NXPE2: variants seen among roughly 807,000 people sequenced by gnomAD.
NXPE2 encodes the protein neurexophilin and PC-esterase domain family member 2.
NXPE2 carries 34 observed loss-of-function variants against 34.4 expected under a neutral mutation model. The ratio of observed to expected loss-of-function variants is 0.99; its 90% CI spans 0.75 to 1.31. NXPE2 has a LOEUF of 1.31. Among genes scored for constraint, NXPE2 ranks in the 40% most tolerant of loss-of-function variants. NXPE2 has a pLI of 0.00. For missense variants in NXPE2, 649 were observed against 672.5 expected (o/e 0.97, Z 0.39); for synonymous variants, 235 against 231.3 (o/e 1.02, Z -0.15).
At chr11:114,513,229 G>A in the NXPE2 span, 1 of 528,314 alleles carries the variant, frequency 1.9e-6, no homozygotes, top group Non-Finnish European at 3.8e-6. Context: ...TGTAGTGCGT[G>A]TCTCGAGGGT....
At chr11:114,798,716 C>T in the NXPE2 span, among the ~76,000 whole-genome samples, 1 of 152,202 alleles carries the variant, frequency 6.6e-6, no homozygotes, top group African/African-American at 2.4e-5. Context: ...TGCTACTTTT[C>T]ATAGTTAATA....
At chr11:114,602,052 TTA>T in the NXPE2 span, among the ~76,000 whole-genome samples, 128 of 94,242 alleles carry the variant, frequency 1.4e-3, no homozygotes, top group African/African-American at 1.9e-3. Context: ...ATATATTATA[TTA>T]TATATATTAT....
the NXPE2 span, among the ~76,000 whole-genome samples, chr11:114,624,884 G>A: frequency 6.6e-6 from 1 of 151,952 alleles, no homozygotes; most frequent in East Asian, 1.9e-4. Context: ...CTGTAACCTG[G>A]TGGATAATAA....
At chr11:114,698,910 C>A in intron 3 of NXPE2, 132 bp downstream of exon 3, 1 of 882,718 alleles carries the variant, frequency 1.1e-6, no homozygotes, top group Non-Finnish European at 1.7e-6. Flanking sequence ...TCCTCAGAGT[C>A]AGTTCAGCTT....
intron 1 of NXPE2, 150 bp downstream of exon 1, chr11:114,678,751 G>C (rs987457709): frequency 8.2e-6 from 5 of 611,772 alleles, no homozygotes; most frequent in Non-Finnish European, 1.5e-5. Flanking sequence ...CTTTTAAAAT[G>C]GAATACAATT....
the NXPE2 span, among the ~76,000 whole-genome samples, chr11:114,572,134 C>G: frequency 6.6e-6 from 1 of 152,012 alleles, no homozygotes; most frequent in Non-Finnish European, 1.5e-5. Flanking sequence ...CACTGGGTTG[C>G]GAGACTCAGG....
chr11:114,485,478 C>T, the NXPE2 span, among the ~76,000 whole-genome samples: 1 of 150,728 alleles, frequency 6.6e-6, no homozygotes, highest in East Asian at 2.0e-4. Context: ...GATCCTGCCA[C>T]CTCGGCCTCC....
At chr11:114,811,387 C>CCA in the NXPE2 span, among the ~76,000 whole-genome samples, 1 of 151,622 alleles carries the variant, frequency 6.6e-6, no homozygotes, top group Non-Finnish European at 1.5e-5. Flanking sequence ...GCTTTAAAGA[C>CCA]CACACACACA....
the NXPE2 span, among the ~76,000 whole-genome samples, chr11:114,516,687 A>G: frequency 6.6e-6 from 1 of 152,180 alleles, no homozygotes; most frequent in African/African-American, 2.4e-5. Flanking sequence ...CTTATCTGAA[A>G]ATAAGAGCAC....
At chr11:114,741,243 T>TGCG in the NXPE2 span, among the ~76,000 whole-genome samples, 2 of 151,916 alleles carry the variant, frequency 1.3e-5, no homozygotes, top group Admixed American at 1.3e-4. Context: ...CTTCTCTTGC[T>TGCG]TTCAAAATAC....
chr11:114,705,927 A>G lies in NXPE2; in HGVS notation c.1075A>G (p.Lys359Glu). ...AAATATAAATGACTGCTTGGAAAGA[A>G]AACTTATTTATCTCATGGGAGATTC... Reference protein sequence around the residue: ...TKNINDCLERKLIYLMGDSTL... With the variant: ...TKNINDCLERELIYLMGDSTL... The change falls in exon 5 of 6, where the codon AAA becomes GAA. Residue 359 changes from lysine to glutamate, a missense_variant. Lys to Glu is a moderately conservative substitution (Grantham distance 56, BLOSUM62 1). Coordinates refer to ENST00000389586, the MANE Select transcript of NXPE2 (RefSeq NM_182495.6). 3.9e-6 allele frequency: 6 copies of G among 1,541,610 alleles called. No individual in the cohort carries two copies. Among genetic ancestry groups the G allele is most frequent in the Non-Finnish European group, 5.2e-6 (6 of 1,142,988 alleles).
chr11:114,655,562 C>A, the NXPE2 span, among the ~76,000 whole-genome samples: 2 of 152,186 alleles, frequency 1.3e-5, no homozygotes, highest in African/African-American at 2.4e-5. Context: ...GTTTTCCCAG[C>A]ACCATTTACT....
chr11:114,544,098 G>A, the NXPE2 span, among the ~76,000 whole-genome samples: 4 of 152,270 alleles, frequency 2.6e-5, no homozygotes, highest in South Asian at 8.3e-4. Context: ...CTAAATAAAT[G>A]GAGAGAGATT....
chr11:114,745,535 G>A, the NXPE2 span, among the ~76,000 whole-genome samples: 1 of 152,176 alleles, frequency 6.6e-6, no homozygotes, highest in Non-Finnish European at 1.5e-5. Flanking sequence ...ATTTCAACAT[G>A]AGTCTTGACA....
intron 2 of NXPE2, among the ~76,000 whole-genome samples, chr11:114,681,673 A>G (rs1035184806): frequency 1.3e-5 from 2 of 152,108 alleles, no homozygotes; most frequent in African/African-American, 4.8e-5. Context: ...TAACGATTAT[A>G]ATTATTACTG....
At chr11:114,684,072 G>C (rs1425086950) in intron 2 of NXPE2, among the ~76,000 whole-genome samples, 3 of 152,148 alleles carry the variant, frequency 2.0e-5, no homozygotes, top group African/African-American at 4.8e-5. Flanking sequence ...GTCCTTTTAG[G>C]TCAACCAAGT....
At chr11:114,484,055 T>G in the NXPE2 span, among the ~76,000 whole-genome samples, 2 of 152,154 alleles carry the variant, frequency 1.3e-5, no homozygotes, top group Non-Finnish European at 2.9e-5. Flanking sequence ...TGCTCTTCCA[T>G]GGAGAACTTG....
chr11:114,571,061 C>T, the NXPE2 span: 1 of 1,613,906 alleles, frequency 6.2e-7, no homozygotes, highest in Non-Finnish European at 8.5e-7. Flanking sequence ...CACTGAGATC[C>T]TGGAAAATGT....
chr11:114,504,012 C>T, the NXPE2 span, among the ~76,000 whole-genome samples: 1 of 152,190 alleles, frequency 6.6e-6, no homozygotes, highest in Admixed American at 6.5e-5. Context: ...CTGTGCCTGA[C>T]CAGTGGAAAG....
Sources: gnomAD v4.1 joint callset for allele counts (sites outside exome capture counted in the v4.1 genomes callset) on GRCh38, gnomAD v4.1.1 for gene constraint, MANE v1.5 for transcripts, NCBI Gene and HGNC (gene_info 2026-07-23, HGNC 2026-07-21) for gene names.